Variants in ANKFY1 observed in about 807,000 individuals in gnomAD.
ANKFY1 encodes ankyrin repeat and FYVE domain containing 1, also known as ankyrin repeat and FYVE domain-containing protein 1.
In ANKFY1, 47 loss-of-function variants were observed where a neutral mutation model predicts 128.3. That is an observed-to-expected ratio of 0.37 (90% CI 0.29 to 0.47). The LOEUF is 0.47. ANKFY1 is among the 20% of genes least tolerant of loss of function. ANKFY1 has a pLI of 1.00. For synonymous variants in ANKFY1, 553 were observed against 601.6 expected (o/e 0.92, Z 1.18); for missense variants, 1,222 against 1,510.6 (o/e 0.81, Z 3.17).
chr17:4,254,712 A>C lies in ANKFY1; in HGVS notation c.10+9220T>G, dbSNP rs183179412. ...GTATAGTAAAAGATTTTAATGCCCT[A>C]GTAACTTTTTGCTAGATTAGTGTCA... On this transcript the variant is annotated intron_variant, in intron 1 of 24. Coordinates refer to ENST00000341657, the MANE Select transcript of ANKFY1 (RefSeq NM_001330063.2). Among the ~76,000 whole-genome samples the C allele has an allele frequency of 6.6e-3, 1,008 of 152,332 alleles. 12 individuals carry two copies. The highest frequency in any genetic ancestry group is 0.023 in the African/African-American group (969 of 41,570).
intron 1 of ANKFY1, among the ~76,000 whole-genome samples, chr17:4,248,304 G>C (rs1024788884): frequency 6.6e-6 from 1 of 152,214 alleles, no homozygotes; most frequent in South Asian, 2.1e-4. Context: ...ATTCTCACAG[G>C]AGCGTGAACC....
chr17:4,208,856 T>C (rs1427054861), intron 5 of ANKFY1, among the ~76,000 whole-genome samples: 6 of 152,058 alleles, frequency 3.9e-5, no homozygotes, highest in Middle Eastern at 3.2e-3. Flanking sequence ...GTTGGGAGTT[T>C]GAGACCAGCC....
At chr17:4,177,631 A>G (rs545156001) in intron 18 of ANKFY1, among the ~76,000 whole-genome samples, 2 of 152,354 alleles carry the variant, frequency 1.3e-5, no homozygotes, top group Non-Finnish European at 2.9e-5. Flanking sequence ...AAGCACCAAG[A>G]TATCAGGAAA....
chr17:4,204,778 T>C (rs933094144), intron 7 of ANKFY1, among the ~76,000 whole-genome samples: 2 of 152,110 alleles, frequency 1.3e-5, no homozygotes, highest in African/African-American at 4.8e-5. Flanking sequence ...GAAAGAATCA[T>C]TCCCTACGTG....
intron 2 of ANKFY1, 139 bp downstream of exon 2, chr17:4,242,114 CAAG>C (rs1294170100): frequency 1.2e-6 from 1 of 810,640 alleles, no homozygotes. Flanking sequence ...AATCTTGCCT[CAAG>C]GAGCTTCTAT....
chr17:4,247,429 G>C (rs1176056578), intron 1 of ANKFY1, among the ~76,000 whole-genome samples: 1 of 152,190 alleles, frequency 6.6e-6, no homozygotes, highest in Non-Finnish European at 1.5e-5. Context: ...GAGGGCTTTA[G>C]CATGATTTGG....
chr17:4,203,534 G>A (rs1045149269), intron 7 of ANKFY1, among the ~76,000 whole-genome samples: 106 of 152,088 alleles, frequency 7.0e-4, no homozygotes, highest in African/African-American at 2.4e-3. Flanking sequence ...GAAACTCATC[G>A]GCCAGGCGCA....
At chr17:4,256,683 T>A (rs924524652) in intron 1 of ANKFY1, among the ~76,000 whole-genome samples, 2 of 152,120 alleles carry the variant, frequency 1.3e-5, no homozygotes, top group East Asian at 3.9e-4. Flanking sequence ...GAAAGCAACA[T>A]GCATGCTTAT....
At chr17:4,211,712 A>G (rs142279941) in intron 4 of ANKFY1, among the ~76,000 whole-genome samples, 1 of 152,090 alleles carries the variant, frequency 6.6e-6, no homozygotes, top group East Asian at 1.9e-4. Flanking sequence ...TACCAAAACA[A>G]TTGAGAAATT....
At chr17:4,202,696 CAAAAAAAAAA>C (rs60561665) in intron 7 of ANKFY1, among the ~76,000 whole-genome samples, 2 of 74,744 alleles carry the variant, frequency 2.7e-5, no homozygotes, top group African/African-American at 6.5e-5. Context: ...AACTCCGTCT[CAAAAAAAAAA>C]AAAAAAAAAA....
intron 7 of ANKFY1, among the ~76,000 whole-genome samples, chr17:4,203,360 C>T (rs1430176981): frequency 2.0e-5 from 3 of 152,142 alleles, no homozygotes; most frequent in African/African-American, 7.2e-5. Context: ...AAAAACTTCA[C>T]ACTAAAAAAA....
intron 3 of ANKFY1, among the ~76,000 whole-genome samples, chr17:4,224,256 G>A (rs562962584): frequency 5.4e-5 from 6 of 111,608 alleles, no homozygotes; most frequent in East Asian, 3.0e-4. Context: ...ACGGAGTCTC[G>A]CTGTCGCCCA....
At position 4,173,412 on chromosome 17, in the gene ANKFY1, T is replaced by C. The variant is rs2059358282; in HGVS notation, c.2956A>G (p.Asn986Asp). The C allele has an allele frequency of 6.2e-7, 1 of 1,614,078 alleles. No individual in the cohort carries two copies. Among genetic ancestry groups the C allele is most frequent in the Admixed American group, 1.7e-5 (1 of 60,006 alleles). Residue 986 changes from asparagine to aspartate, a missense_variant, in exon 21 of 25, where the codon AAC (asparagine) becomes GAC (aspartate). Physicochemically the swap from Asn to Asp is conservative, Grantham distance 23 (BLOSUM62 1). Transcript: ENST00000341657. ...TCTGTCAGGAGAACCCGGATGTTGT[T>C]GAGCCGGCCGTGCATGACAGCAAGA... ...LHLAVMHGRL[N>D]NIRVLLTECT... is the part of the protein sequence containing the mutation.
intron 8 of ANKFY1, among the ~76,000 whole-genome samples, chr17:4,196,181 ACACAC>A (rs1567932876): frequency 1.7e-5 from 2 of 115,386 alleles, no homozygotes; most frequent in African/African-American, 5.7e-5. Context: ...ACACACACAC[ACACAC>A]ACACACTGCG....
chr17:4,180,086 G>T, intron 16 of ANKFY1: 2 of 607,898 alleles, frequency 3.3e-6, no homozygotes, highest in Non-Finnish European at 5.7e-6. Flanking sequence ...TGGGCAACCC[G>T]GGCATCAGAA....
intron 19 of ANKFY1, among the ~76,000 whole-genome samples, chr17:4,175,350 A>C (rs750749464): frequency 3.0e-4 from 46 of 151,872 alleles, no homozygotes; most frequent in Non-Finnish European, 5.7e-4. Context: ...GAAAAAGAAA[A>C]AAAAAAGAAA....
chr17:4,172,024 G>T (rs554164529), intron 22 of ANKFY1, among the ~76,000 whole-genome samples: 3 of 152,096 alleles, frequency 2.0e-5, no homozygotes, highest in Non-Finnish European at 4.4e-5. Context: ...GCAAGAAAAC[G>T]AACGCGAGAG....
intron 7 of ANKFY1, among the ~76,000 whole-genome samples, chr17:4,201,651 T>C (rs2059930683): frequency 6.6e-6 from 1 of 152,228 alleles, no homozygotes; most frequent in Non-Finnish European, 1.5e-5. Context: ...AATTTTCCAG[T>C]AAGTCCCTTC....
chr17:4,257,996 G>A (rs1968210469), intron 1 of ANKFY1, among the ~76,000 whole-genome samples: 1 of 152,166 alleles, frequency 6.6e-6, no homozygotes, highest in African/African-American at 2.4e-5. Flanking sequence ...GTGTATCTCA[G>A]CACAATTCAG....
Sources: gnomAD v4.1 joint callset for allele counts (sites outside exome capture counted in the v4.1 genomes callset) on GRCh38, gnomAD v4.1.1 for gene constraint, MANE v1.5 for transcripts, NCBI Gene and HGNC (gene_info 2026-07-23, HGNC 2026-07-21) for gene names.